The following RBFOX1 variants were observed in gnomAD, a reference collection of about 807,000 sequenced individuals.
The protein encoded by RBFOX1 is RNA binding protein fox-1 homolog 1.
Under a neutral mutation model 57.7 loss-of-function variants are expected in RBFOX1, and 8 were observed. That is an observed-to-expected ratio of 0.14 (90% confidence interval 0.08 to 0.25). The LOEUF (loss-of-function observed/expected upper bound fraction) is 0.25, where lower values mean the gene tolerates loss of function less well. Ranked by LOEUF, RBFOX1 falls within the 10% of genes least tolerant of loss-of-function variation. The pLI, the probability that RBFOX1 is intolerant of heterozygous loss-of-function variation, is 1.00. For missense variants in RBFOX1, 611 were observed against 548.5 expected (o/e 1.11, Z -1.14); for synonymous variants, 326 against 222.4 (o/e 1.47, Z -4.15).
chr16:6,240,392 G>T (rs555104431), intron 1 of RBFOX1, among the ~76,000 whole-genome samples: 82 of 152,220 alleles, frequency 5.4e-4, no homozygotes, highest in Non-Finnish European at 9.7e-4. Flanking sequence ...TCTGGATGGT[G>T]TGTAGTGTGG....
At chr16:6,538,395 G>C (rs1198140892) in intron 2 of RBFOX1, among the ~76,000 whole-genome samples, 3 of 152,156 alleles carry the variant, frequency 2.0e-5, no homozygotes, top group Non-Finnish European at 4.4e-5. Flanking sequence ...GGGTGGCTGA[G>C]GTGGGAGGAT....
At chr16:7,305,675 G>A (rs915283214) in intron 4 of RBFOX1, among the ~76,000 whole-genome samples, 2 of 152,100 alleles carry the variant, frequency 1.3e-5, no homozygotes, top group African/African-American at 4.8e-5. Flanking sequence ...TCAGGATTCT[G>A]TTTTGAACAT....
At chr16:7,313,597 G>C (rs2096370927) in intron 4 of RBFOX1, among the ~76,000 whole-genome samples, 1 of 151,226 alleles carries the variant, frequency 6.6e-6, no homozygotes, top group East Asian at 1.9e-4. Context: ...CCACAATGAT[G>C]ATCATAATAA....
chr16:6,205,971 A>T (rs1023497454), intron 1 of RBFOX1, among the ~76,000 whole-genome samples: 10 of 149,082 alleles, frequency 6.7e-5, no homozygotes, highest in African/African-American at 2.5e-4. Context: ...TTTCACTTAG[A>T]TCTGGAGTAT....
At chr16:6,129,196 G>T (rs577979697) in intron 1 of RBFOX1, among the ~76,000 whole-genome samples, 1 of 152,232 alleles carries the variant, frequency 6.6e-6, no homozygotes, top group South Asian at 2.1e-4. Flanking sequence ...AACAGACCCT[G>T]ATGTGTCATG....
intron 4 of RBFOX1, among the ~76,000 whole-genome samples, chr16:7,234,648 TTGTG>T (rs1295017930): frequency 1.4e-5 from 2 of 146,458 alleles, no homozygotes; most frequent in African/African-American, 2.6e-5. Flanking sequence ...ATGTGTGTGT[TTGTG>T]TGTATGTATA....
At chr16:6,431,945 CTTT>C in intron 2 of RBFOX1, among the ~76,000 whole-genome samples, 1 of 147,136 alleles carries the variant, frequency 6.8e-6, no homozygotes, top group Non-Finnish European at 1.5e-5. Flanking sequence ...TTCTTTCTTT[CTTT>C]CTTTCTTTCT....
At chr16:5,261,649 A>G (rs1402650867) in intron 1 of RBFOX1, among the ~76,000 whole-genome samples, 1 of 148,058 alleles carries the variant, frequency 6.8e-6, no homozygotes, top group African/African-American at 2.5e-5. Flanking sequence ...TCCCGGGTTC[A>G]TGCCATTCTT....
At chr16:7,656,914 T>A (rs1289125021) in intron 12 of RBFOX1, among the ~76,000 whole-genome samples, 1 of 152,132 alleles carries the variant, frequency 6.6e-6, no homozygotes, top group East Asian at 1.9e-4. Context: ...TCCAAACATT[T>A]CCTAAATTGC....
chr16:5,680,971 C>G (rs2050313983), intron 3 of RBFOX1, among the ~76,000 whole-genome samples: 1 of 151,812 alleles, frequency 6.6e-6, no homozygotes, highest in Admixed American at 6.6e-5. Flanking sequence ...AAAAGACCAA[C>G]TTGAGATGTT....
chr16:5,461,894 G>T (rs1335053021), intron 1 of RBFOX1, among the ~76,000 whole-genome samples: 1 of 152,166 alleles, frequency 6.6e-6, no homozygotes, highest in Non-Finnish European at 1.5e-5. Flanking sequence ...AGTCTAAAGA[G>T]AAGGGACAAG....
intron 4 of RBFOX1, among the ~76,000 whole-genome samples, chr16:7,280,474 A>T (rs1315818981): frequency 6.6e-6 from 1 of 152,182 alleles, no homozygotes; most frequent in African/African-American, 2.4e-5. Flanking sequence ...TTGGTAGATA[A>T]GAGGGAGGCC....
intron 3 of RBFOX1, among the ~76,000 whole-genome samples, chr16:6,975,392 A>T (rs2086606690): frequency 1.3e-5 from 2 of 152,088 alleles, no homozygotes; most frequent in South Asian, 4.1e-4. Context: ...CAGCCTCCCA[A>T]GTAGCTGGCG....
chr16:7,512,035 A>G (rs1004223301), intron 4 of RBFOX1, among the ~76,000 whole-genome samples: 2 of 152,194 alleles, frequency 1.3e-5, no homozygotes, highest in Non-Finnish European at 1.5e-5. Flanking sequence ...CTGCTCATCA[A>G]CTAGGAACAC....
intron 1 of RBFOX1, among the ~76,000 whole-genome samples, chr16:6,180,049 C>T (rs2152786434): frequency 6.6e-6 from 1 of 152,240 alleles, no homozygotes; most frequent in East Asian, 1.9e-4. Context: ...CCAGTATCTT[C>T]TTGAAGATGT....
At chr16:5,594,323 T>G (rs1352152) in intron 2 of RBFOX1, among the ~76,000 whole-genome samples, 2,859 of 152,176 alleles carry the variant, frequency 0.019, 79 homozygotes, top group African/African-American at 0.064. Flanking sequence ...CAAGATTACA[T>G]GAATATGTCT....
At chr16:6,087,427 C>T (rs1048641018) in intron 1 of RBFOX1, among the ~76,000 whole-genome samples, 6 of 152,012 alleles carry the variant, frequency 3.9e-5, no homozygotes, top group African/African-American at 1.4e-4. Context: ...ACTGTGATTC[C>T]AATATCCATA....
At position 6,839,148 on chromosome 16, in the gene RBFOX1, C is replaced by A. The variant is rs565350507; in HGVS notation, c.-16+184498C>A. ...TACAGGCACACACCACCACACCCAG[C>A]TAATTTTTGTATTTCTTGTAGAGAC... On this transcript the variant is annotated intron_variant, in intron 3 of 15. Coordinates refer to ENST00000550418, the MANE Select transcript of RBFOX1 (RefSeq NM_018723.4). Among the ~76,000 whole-genome samples the A allele has an allele frequency of 3.3e-5, 5 of 152,046 alleles. No individual in the cohort carries two copies. In the South Asian group the frequency reaches 8.3e-4, roughly 25 times the overall value.
At chr16:5,504,711 A>G (rs1311895572) in intron 2 of RBFOX1, among the ~76,000 whole-genome samples, 2 of 152,188 alleles carry the variant, frequency 1.3e-5, no homozygotes, top group East Asian at 3.8e-4. Context: ...ATTAACTTCC[A>G]TAATCCTCCC....
Sources: gnomAD v4.1 joint callset for allele counts (sites outside exome capture counted in the v4.1 genomes callset) on GRCh38, gnomAD v4.1.1 for gene constraint, MANE v1.5 for transcripts, NCBI Gene and HGNC (gene_info 2026-07-23, HGNC 2026-07-21) for gene names.